Variants in LILRB3 observed in about 807,000 individuals in gnomAD.
LILRB3 encodes the protein leukocyte immunoglobulin like receptor B3, also known as leukocyte immunoglobulin-like receptor subfamily B member 3.
LILRB3 carries 32 observed loss-of-function variants against 68.2 expected under a neutral mutation model. That is an observed-to-expected ratio of 0.47 (90% CI 0.35 to 0.63). The LOEUF is 0.63. LILRB3 is among the 30% of genes least tolerant of loss of function. The pLI is 0.00. For missense variants in LILRB3, 502 were observed against 791.3 expected (o/e 0.63, Z 4.39); for synonymous variants, 185 against 323.1 (o/e 0.57, Z 4.58).
chr19:54,218,452 T>C (rs1357777714), intron 10 of LILRB3, 39 bp from the exon 11 acceptor site: 4 of 1,613,006 alleles, frequency 2.5e-6, no homozygotes, highest in Non-Finnish European at 3.4e-6. Context: ...CCTGGTTCTC[T>C]GAGACCTCTC....
chr19:54,217,490 A>G lies in LILRB3; in HGVS notation c.1594-16T>C. 1 of 1,601,984 alleles carries G rather than the reference A, an allele frequency of 6.2e-7. No individual in the cohort carries two copies. Among genetic ancestry groups the G allele is most frequent in the South Asian group, 1.1e-5 (1 of 90,196 alleles). ...CGTGTGGGCTCTGCTGGAGAGAGACAGTGGTGGGGGGTGTCCTTGAGTCCC... is the reference window on the plus strand; with the variant it reads ...CGTGTGGGCTCTGCTGGAGAGAGACGGTGGTGGGGGGTGTCCTTGAGTCCC... On this transcript the variant is annotated splice_polypyrimidine_tract_variant and intron_variant, in intron 11 of 12. Coordinates refer to ENST00000445347, the Ensembl canonical transcript of LILRB3.
rs745385040 is a variant in LILRB3 at position 54,218,627 on chromosome 19, C to T, written c.1540+18G>A. The T allele has an allele frequency of 1.4e-5, 22 of 1,614,064 alleles. No homozygotes were observed. The South Asian group carries it at 2.2e-4, about 16-fold the overall frequency. On this transcript the variant is annotated intron_variant, in intron 10 of 12. Transcript: ENST00000445347. Reference sequence around the variant, plus strand: ...CTGTCTCTCCAGCACCCCCATTTGTCCCCTCTCTTCCTCTTACAGAGGTTT... The same window carrying T: ...CTGTCTCTCCAGCACCCCCATTTGTTCCCTCTCTTCCTCTTACAGAGGTTT...
exon 13 of LILRB3, chr19:54,217,146 C>T: frequency 6.2e-7 from 1 of 1,614,070 alleles, no homozygotes; most frequent in Non-Finnish European, 8.5e-7. Flanking sequence ...GGTTCCCCTT[C>T]CTGGGATGGA....
chr19:54,218,475 C>T, intron 10 of LILRB3, 62 bp from the exon 11 acceptor site: 34 of 1,609,538 alleles, frequency 2.1e-5, no homozygotes, highest in Non-Finnish European at 2.8e-5. Flanking sequence ...TCCTGCTGGC[C>T]CCCTGCCCTG....
exon 4 of LILRB3, chr19:54,221,873 A>G (rs202131060): frequency 0.56 from 830,347 of 1,488,078 alleles, 213,325 homozygotes; most frequent in African/African-American, 0.74. Flanking sequence ...GACCACACCC[A>G]GGGGGTGTTT....
chr19:54,222,608 G>C (rs2078308020), intron 2 of LILRB3, 46 bp from the exon 3 acceptor site: 1 of 1,611,040 alleles, frequency 6.2e-7, no homozygotes, highest in Non-Finnish European at 8.5e-7. Flanking sequence ...CCCACGCTCA[G>C]ATCCCAGCTC....
chr19:54,219,085 G>A, intron 8 of LILRB3, 44 bp downstream of exon 8: 2 of 1,551,644 alleles, frequency 1.3e-6, no homozygotes, highest in South Asian at 1.2e-5. Context: ...GGTGCCCTGA[G>A]CCCACCCTCG....
At position 54,219,251 on chromosome 19, in the gene LILRB3, C is replaced by A; in HGVS notation, c.1310-6G>T. On this transcript the variant is annotated splice_region_variant and splice_polypyrimidine_tract_variant and intron_variant, in intron 7 of 12. Coordinates refer to ENST00000445347, the Ensembl canonical transcript of LILRB3. The stretch of plus-strand genomic sequence containing the variant: ...CTCCAGGTATCTTCCCAGACCTTGA[C>A]ATGAGGACGTCAGGAGTGGGAATGA... 1 of 1,553,116 alleles carries A rather than the reference C, an allele frequency of 6.4e-7. No homozygotes were observed. Among genetic ancestry groups the A allele is most frequent in the Non-Finnish European group, 8.7e-7 (1 of 1,150,920 alleles).
At chr19:54,219,850 C>G (rs879452023) in intron 7 of LILRB3, 4 of 1,547,374 alleles carry the variant, frequency 2.6e-6, no homozygotes, top group Non-Finnish European at 3.5e-6. Flanking sequence ...CCATCTCCCA[C>G]TCAGAGCCCC....
Position 54,222,272 on chromosome 19 carries a change from T to A in LILRB3, c.355+6A>T. On this transcript the variant is annotated splice_donor_region_variant and intron_variant, in intron 3 of 12. Coordinates refer to ENST00000445347, the Ensembl canonical transcript of LILRB3. ...CTGGGGCTGGGACCCCAGAGTGTCC[T>A]CTCACCTGTCATCACCAGCTCCAGG... 6.2e-7 allele frequency: 1 copy of A among 1,610,838 alleles called. No homozygotes were observed. The highest frequency in any genetic ancestry group is 1.7e-5 in the Admixed American group (1 of 59,738).
chr19:54,217,779 C>A, intron 11 of LILRB3: 1 of 585,074 alleles, frequency 1.7e-6, no homozygotes, highest in Non-Finnish European at 3.1e-6. Context: ...GGATCATGTG[C>A]CCCACTCTGT....
At chr19:54,217,512 T>A (rs2077602895) in intron 11 of LILRB3, 38 bp from the exon 12 acceptor site, 2 of 1,584,008 alleles carry the variant, frequency 1.3e-6, no homozygotes, top group African/African-American at 2.8e-5. Flanking sequence ...TGTCCTTGAG[T>A]CCCCCTGACC....
At chr19:54,218,780 G>A (rs1416292356) in exon 9 of LILRB3, 26 of 1,614,114 alleles carry the variant, frequency 1.6e-5, no homozygotes, top group Non-Finnish European at 2.2e-5. Context: ...GCAGGCCCCT[G>A]TCCTTGGGCT....
intron 9 of LILRB3, 35 bp from the exon 10 acceptor site, chr19:54,218,717 A>G (rs761669898): frequency 3.7e-6 from 6 of 1,614,006 alleles, no homozygotes; most frequent in Middle Eastern, 1.6e-4. Flanking sequence ...GGGGCAGTGT[A>G]TGGGCTGTGG....
chr19:54,219,711 C>T, intron 7 of LILRB3: 2 of 981,650 alleles, frequency 2.0e-6, no homozygotes, highest in African/African-American at 1.7e-5. Flanking sequence ...AACTTTCCCA[C>T]CCACAGGCCT....
At chr19:54,216,532 G>A (rs981642194) in exon 13 of LILRB3, 18 of 642,598 alleles carry the variant, frequency 2.8e-5, no homozygotes, top group Admixed American at 5.8e-5. Flanking sequence ...GGATGGTCTC[G>A]ATCTCCTGAC....
exon 13 of LILRB3, chr19:54,217,018 A>G: frequency 1.2e-6 from 2 of 1,611,600 alleles, no homozygotes; most frequent in Non-Finnish European, 8.5e-7. Context: ...ACTGGTGTCC[A>G]CTGGGGGCAG....
At chr19:54,217,501 G>A (rs983835185) in intron 11 of LILRB3, 27 bp from the exon 12 acceptor site, 4 of 1,592,534 alleles carry the variant, frequency 2.5e-6, no homozygotes, top group Non-Finnish European at 3.4e-6. Flanking sequence ...GTGGTGGGGG[G>A]TGTCCTTGAG....
At chr19:54,218,711 C>A (rs1024853552) in intron 9 of LILRB3, 29 bp from the exon 10 acceptor site, 4 of 1,613,962 alleles carry the variant, frequency 2.5e-6, no homozygotes, top group Non-Finnish European at 3.4e-6. Flanking sequence ...GTGTGAGGGG[C>A]AGTGTATGGG....
Sources: gnomAD v4.1 joint callset for allele counts on GRCh38, gnomAD v4.1.1 for gene constraint, MANE v1.5 for transcripts, NCBI Gene and HGNC (gene_info 2026-07-23, HGNC 2026-07-21) for gene names.